Variants in IQCK observed in about 807,000 individuals in gnomAD.
IQCK encodes the protein IQ domain-containing protein K.
IQCK carries 29 observed loss-of-function variants against 28.1 expected under a neutral mutation model. The ratio of observed to expected loss-of-function variants is 1.03; its 90% CI spans 0.77 to 1.41. IQCK has a LOEUF of 1.41. Ranked by LOEUF, IQCK falls within the 40% of genes most tolerant of loss-of-function variation. The pLI is 0.00. For missense variants in IQCK, 359 were observed against 314.7 expected (o/e 1.14, Z -1.07); for synonymous variants, 113 against 115.1 (o/e 0.98, Z 0.12).
At chr16:19,769,891 T>C (rs2055294900) in intron 6 of IQCK, among the ~76,000 whole-genome samples, 1 of 152,008 alleles carries the variant, frequency 6.6e-6, no homozygotes, top group Admixed American at 6.6e-5. Flanking sequence ...GTAGAATGGA[T>C]GGATGACCCA....
intron 7 of IQCK, among the ~76,000 whole-genome samples, chr16:19,822,679 G>T (rs183611043): frequency 6.6e-6 from 1 of 152,136 alleles, no homozygotes; most frequent in Non-Finnish European, 1.5e-5. Context: ...GTTGGCTGGG[G>T]TAGAGAGAGG....
At chr16:19,817,437 A>T (rs2056004081) in intron 7 of IQCK, among the ~76,000 whole-genome samples, 1 of 152,142 alleles carries the variant, frequency 6.6e-6, no homozygotes. Context: ...CGTGGTAATG[A>T]ACTAACAAGG....
rs150069756 is a variant in IQCK, at chr16:19,781,382, G to A, written c.606-7456G>A. ...GATGGAGTTGGTTAAATGGGACTCA[G>A]CTCTGTGTGTAACTAGGAGAATGAT... On this transcript the variant is annotated intron_variant, in intron 6 of 7. Coordinates refer to ENST00000564186, the Ensembl canonical transcript of IQCK. 4.7e-3 allele frequency among the ~76,000 whole-genome samples: 716 copies of A among 152,324 alleles called. 5 individuals are homozygous for A. The highest frequency in any genetic ancestry group is 0.017 in the African/African-American group (699 of 41,578).
intron 4 of IQCK, among the ~76,000 whole-genome samples, chr16:19,757,451 T>C (rs928217774): frequency 4.6e-5 from 7 of 152,174 alleles, no homozygotes; most frequent in African/African-American, 1.7e-4. Flanking sequence ...GGCGGGTAGA[T>C]CACTTGAGGC....
At chr16:19,773,582 C>T (rs2055346093) in intron 6 of IQCK, among the ~76,000 whole-genome samples, 3 of 152,206 alleles carry the variant, frequency 2.0e-5, no homozygotes. Context: ...AAGCCACAGA[C>T]AGTCTCTCAG....
chr16:19,733,791 C>T, exon 3 of IQCK: 1 of 1,614,152 alleles, frequency 6.2e-7, no homozygotes, highest in Non-Finnish European at 8.5e-7. Context: ...TACACCCTGT[C>T]CTCAAGATAA....
rs778081723 is a variant in IQCK at position 19,771,679 on chromosome 16, C to G, written c.605+7567C>G. 3.4e-4 allele frequency among the ~76,000 whole-genome samples: 51 copies of G among 152,106 alleles called. 1 individual carries two copies. Among genetic ancestry groups the G allele is most frequent in the Non-Finnish European group, 5.9e-5 (4 of 68,034 alleles). On this transcript the variant is annotated intron_variant, in intron 6 of 7. Coordinates refer to ENST00000564186, the Ensembl canonical transcript of IQCK. Reference sequence around the variant, plus strand: ...ATTGTTGACATTTTGGTGAACTTTTCAGATGCTTTTCTATGTATCTCCATA... The same window carrying G: ...ATTGTTGACATTTTGGTGAACTTTTGAGATGCTTTTCTATGTATCTCCATA...
intron 7 of IQCK, among the ~76,000 whole-genome samples, chr16:19,806,715 C>G (rs1333890527): frequency 6.8e-6 from 1 of 146,398 alleles, no homozygotes. Flanking sequence ...CCCCACCCCC[C>G]AAAAAAAGAA....
intron 7 of IQCK, among the ~76,000 whole-genome samples, chr16:19,818,777 C>T (rs1047621833): frequency 3.3e-5 from 5 of 152,046 alleles, no homozygotes. Context: ...TAGCTGAAAA[C>T]AATCAATCTT....
At chr16:19,855,903 G>A (rs1171989708) in intron 9 of IQCK, among the ~76,000 whole-genome samples, 1 of 152,108 alleles carries the variant, frequency 6.6e-6, no homozygotes, top group Non-Finnish European at 1.5e-5. Flanking sequence ...AAGGGACTGG[G>A]TTTCCATATT....
chr16:19,760,907 C>G (rs971516110), intron 4 of IQCK, among the ~76,000 whole-genome samples: 3 of 152,094 alleles, frequency 2.0e-5, no homozygotes, highest in African/African-American at 7.2e-5. Context: ...TTCATGCCTC[C>G]CATGTTTAGA....
chr16:19,735,632 G>A (rs139511342), intron 4 of IQCK, 182 bp downstream of exon 4: 33 of 585,358 alleles, frequency 5.6e-5, no homozygotes, highest in African/African-American at 4.1e-4. Flanking sequence ...ACATACATGC[G>A]CTGCCATCTG....
rs542051946 is a variant in IQCK, at chr16:19,858,452, G to T, written c.*1904G>T. On this transcript the variant is annotated 3_prime_UTR_variant, in exon 10 of 10. Transcript: ENST00000320394. Reference sequence around the variant, plus strand: ...TCACCTTATATGCTTGGACAATAAAGAACTTAGAAAACGAACGTGTGAATT... The same window carrying T: ...TCACCTTATATGCTTGGACAATAAATAACTTAGAAAACGAACGTGTGAATT... The T allele has an allele frequency of 2.4e-4, 164 of 672,512 alleles. No individual in the cohort carries two copies. In the African/African-American group the frequency reaches 2.6e-3, roughly 11 times the overall value. The allele number at this position is 672,512 out of a possible 1,614,324, so 41.7% of individuals were successfully genotyped here.
chr16:19,756,445 A>T (rs761919827), intron 4 of IQCK, among the ~76,000 whole-genome samples: 1 of 152,328 alleles, frequency 6.6e-6, no homozygotes, highest in African/African-American at 2.4e-5. Context: ...CCAGTAACTG[A>T]GGTACTATGA....
chr16:19,841,847 C>CTT (rs35552172), intron 9 of IQCK, among the ~76,000 whole-genome samples: 3 of 143,512 alleles, frequency 2.1e-5, no homozygotes, highest in Admixed American at 7.0e-5. Flanking sequence ...TGTAAGCCAT[C>CTT]TTTTTTTTTT....
chr16:19,779,760 C>T (rs1024692119), intron 6 of IQCK, among the ~76,000 whole-genome samples: 1 of 151,130 alleles, frequency 6.6e-6, no homozygotes, highest in Non-Finnish European at 1.5e-5. Flanking sequence ...CTCTGTCGCC[C>T]AGGCTGGAGT....
intron 4 of IQCK, among the ~76,000 whole-genome samples, chr16:19,759,495 C>T (rs1004713717): frequency 1.3e-5 from 2 of 152,114 alleles, no homozygotes; most frequent in African/African-American, 4.8e-5. Context: ...AGGTGTAAGC[C>T]ACCATGCCCA....
intron 4 of IQCK, among the ~76,000 whole-genome samples, chr16:19,737,070 G>A (rs1469876229): frequency 3.3e-5 from 5 of 151,988 alleles, no homozygotes; most frequent in African/African-American, 1.2e-4. Context: ...GCTGAGATGG[G>A]AGGATCAACT....
At chr16:19,810,908 G>A (rs1450373018) in intron 7 of IQCK, among the ~76,000 whole-genome samples, 1 of 152,162 alleles carries the variant, frequency 6.6e-6, no homozygotes, top group East Asian at 1.9e-4. Flanking sequence ...AAATAGTGCT[G>A]GCACTATTAT....
Sources: allele counts gnomAD v4.1 joint callset (sites outside exome capture counted in the v4.1 genomes callset), GRCh38; gene constraint gnomAD v4.1.1; transcripts MANE v1.5; gene names NCBI Gene and HGNC (gene_info 2026-07-23, HGNC 2026-07-21).